The following ELF1 variants were observed in gnomAD, a reference collection of about 807,000 sequenced individuals.
The protein encoded by ELF1 is E74 like ETS transcription factor 1.
Under a neutral mutation model 59.9 loss-of-function variants are expected in ELF1, and 24 were observed. That is an observed-to-expected ratio of 0.40 (90% CI 0.29 to 0.56). ELF1 has a LOEUF of 0.56. Ranked by LOEUF, ELF1 falls within the 20% of genes least tolerant of loss-of-function variation. The probability of loss-of-function intolerance (pLI) is 0.44; values close to 1 mark genes in which losing one functional copy is unlikely to be tolerated. For synonymous variants in ELF1, 248 were observed against 266.2 expected (o/e 0.93, Z 0.67); for missense variants, 627 against 742.2 (o/e 0.84, Z 1.80).
chr13:40,955,366 G>A (rs1293781502), intron 3 of ELF1, among the ~76,000 whole-genome samples: 3 of 144,452 alleles, frequency 2.1e-5, no homozygotes, highest in South Asian at 2.2e-4. Flanking sequence ...CCATCCGGGA[G>A]GGAGATGGGG....
intron 1 of ELF1, among the ~76,000 whole-genome samples, chr13:40,998,019 G>A (rs1874214436): frequency 6.6e-6 from 1 of 152,094 alleles, no homozygotes; most frequent in Non-Finnish European, 1.5e-5. Context: ...GTGTGGTGGA[G>A]CCTGCAGTCT....
chr13:41,031,663 C>CA (rs34285618), intron 1 of ELF1, among the ~76,000 whole-genome samples: 1 of 150,944 alleles, frequency 6.6e-6, no homozygotes, highest in East Asian at 1.9e-4. Flanking sequence ...ACTAAAAATA[C>CA]AAAAAAATTA....
At chr13:40,951,167 T>C (rs1870821771) in intron 4 of ELF1, among the ~76,000 whole-genome samples, 162 bp downstream of exon 4, 1 of 152,198 alleles carries the variant, frequency 6.6e-6, no homozygotes, top group African/African-American at 2.4e-5. Flanking sequence ...CATCTTTAAC[T>C]CTACGTTTTT....
At chr13:41,000,672 C>T (rs1024259180) in intron 1 of ELF1, among the ~76,000 whole-genome samples, 7 of 152,024 alleles carry the variant, frequency 4.6e-5, no homozygotes, top group African/African-American at 1.7e-4. Context: ...AGGAATTGTA[C>T]AATATCACAA....
intron 1 of ELF1, among the ~76,000 whole-genome samples, chr13:41,009,223 C>T (rs1299798287): frequency 1.3e-5 from 2 of 151,382 alleles, no homozygotes; most frequent in African/African-American, 4.9e-5. Context: ...CCACATGAAC[C>T]AAAGCTCTTT....
At chr13:41,006,898 T>C (rs549360638) in intron 1 of ELF1, among the ~76,000 whole-genome samples, 12 of 152,306 alleles carry the variant, frequency 7.9e-5, no homozygotes, top group Admixed American at 2.6e-4. Context: ...TTTAAAACTT[T>C]ATGTACATAG....
rs1407992242 is a variant in ELF1, at chr13:40,932,217, A to G, written c.*1208T>C. 6.6e-6 allele frequency: 1 copy of G among 152,136 alleles called. No homozygotes were observed. The highest frequency in any genetic ancestry group is 2.4e-5 in the African/African-American group (1 of 41,370). The allele number at this position is 152,136 out of a possible 1,614,324, so 9.4% of individuals were successfully genotyped here. On this transcript the variant is annotated 3_prime_UTR_variant, in exon 9 of 9. Transcript: ENST00000239882. ...TCTGTTATACTAGAAAATTTGCAGAAGACATTTTTTTCTTGTGACATTAAA... is the reference window on the plus strand; with the variant it reads ...TCTGTTATACTAGAAAATTTGCAGAGGACATTTTTTTCTTGTGACATTAAA...
At chr13:41,045,445 C>T (rs1488728704) in intron 1 of ELF1, among the ~76,000 whole-genome samples, 2 of 152,228 alleles carry the variant, frequency 1.3e-5, no homozygotes, top group Non-Finnish European at 2.9e-5. Flanking sequence ...AAATTTCCCT[C>T]TACACGCTGC....
At chr13:41,050,307 C>T (rs1877033359) in intron 1 of ELF1, among the ~76,000 whole-genome samples, 1 of 152,108 alleles carries the variant, frequency 6.6e-6, no homozygotes, top group South Asian at 2.1e-4. Flanking sequence ...ATAATGTCCT[C>T]AAGGTTATGT....
At chr13:40,983,611 A>G (rs1351399605) in intron 1 of ELF1, among the ~76,000 whole-genome samples, 1 of 152,176 alleles carries the variant, frequency 6.6e-6, no homozygotes, top group Non-Finnish European at 1.5e-5. Context: ...TTTTAACAGG[A>G]AGTTTAACTC....
chr13:40,952,215 C>G (rs962618726), intron 3 of ELF1, among the ~76,000 whole-genome samples: 1 of 151,988 alleles, frequency 6.6e-6, no homozygotes, highest in East Asian at 1.9e-4. Context: ...TTTCTATACC[C>G]CCTCTAACTG....
At chr13:41,047,560 C>G (rs1876907360) in intron 1 of ELF1, among the ~76,000 whole-genome samples, 1 of 152,190 alleles carries the variant, frequency 6.6e-6, no homozygotes, top group South Asian at 2.1e-4. Context: ...ACCCTGTGTG[C>G]CCGGGTATCA....
intron 1 of ELF1, among the ~76,000 whole-genome samples, chr13:40,986,710 T>G (rs1873564648): frequency 6.6e-6 from 1 of 152,128 alleles, no homozygotes; most frequent in African/African-American, 2.4e-5. Context: ...ACAAAATGAC[T>G]TCACTGATGG....
Position 40,951,230 on chromosome 13 carries a change from T to C in ELF1, c.361+99A>G, listed in dbSNP as rs570115317. On this transcript the variant is annotated intron_variant, in intron 4 of 8. Coordinates refer to ENST00000239882, the MANE Select transcript of ELF1 (RefSeq NM_172373.4). ...CTTAAAATGTGATTGTAACAAAAAATATATAACATCATTTCTAATCTCTTG... is the reference window on the plus strand; with the variant it reads ...CTTAAAATGTGATTGTAACAAAAAACATATAACATCATTTCTAATCTCTTG... 12 of 994,820 alleles carry C rather than the reference T, an allele frequency of 1.2e-5. No individual in the cohort carries two copies. In the African/African-American group the frequency reaches 1.3e-4, roughly 11 times the overall value. The allele number at this position is 994,820 out of a possible 1,614,324, so 61.6% of individuals were successfully genotyped here.
chr13:41,054,775 G>T (rs1375591019), intron 1 of ELF1, among the ~76,000 whole-genome samples: 1 of 152,134 alleles, frequency 6.6e-6, no homozygotes, highest in Admixed American at 6.5e-5. Context: ...ACAGGAAAGG[G>T]ACAGTGGAGA....
At chr13:41,033,698 G>A (rs1383772484) in intron 1 of ELF1, among the ~76,000 whole-genome samples, 2 of 152,126 alleles carry the variant, frequency 1.3e-5, no homozygotes, top group African/African-American at 4.8e-5. Flanking sequence ...AGAATCTAAC[G>A]CCCAATGATT....
intron 5 of ELF1, among the ~76,000 whole-genome samples, chr13:40,944,487 T>G (rs1250553971): frequency 1.3e-5 from 2 of 152,226 alleles, no homozygotes; most frequent in Non-Finnish European, 2.9e-5. Context: ...AATGCTATCC[T>G]CCTGTGTATT....
intron 3 of ELF1, among the ~76,000 whole-genome samples, chr13:40,954,354 T>C (rs1871059930): frequency 6.6e-6 from 1 of 152,008 alleles, no homozygotes; most frequent in East Asian, 1.9e-4. Context: ...GGAGATGGAT[T>C]TTCCCCTTAC....
At chr13:41,009,489 A>G (rs1456441971) in intron 1 of ELF1, among the ~76,000 whole-genome samples, 1 of 152,178 alleles carries the variant, frequency 6.6e-6, no homozygotes, top group African/African-American at 2.4e-5. Context: ...ACTGTTAGCA[A>G]CAGAATACCT....
Sources: gnomAD v4.1 joint callset for allele counts (sites outside exome capture counted in the v4.1 genomes callset) on GRCh38, gnomAD v4.1.1 for gene constraint, MANE v1.5 for transcripts, NCBI Gene and HGNC (gene_info 2026-07-23, HGNC 2026-07-21) for gene names.